The following CEP70 variants were observed in gnomAD, a reference collection of about 807,000 sequenced individuals.
CEP70 encodes centrosomal protein 70, also known as centrosomal protein of 70 kDa.
Under a neutral mutation model 90.9 loss-of-function variants are expected in CEP70, and 70 were observed. The ratio of observed to expected loss-of-function variants is 0.77; its 90% CI spans 0.64 to 0.94. The LOEUF (loss-of-function observed/expected upper bound fraction) is 0.94. CEP70 is among the 40% of genes least tolerant of loss of function. The pLI, the probability that CEP70 is intolerant of heterozygous loss-of-function variation, is 0.00. For synonymous variants in CEP70, 220 were observed against 228.3 expected (o/e 0.96, Z 0.33); for missense variants, 648 against 669.0 (o/e 0.97, Z 0.35).
At chr3:138,588,320 T>C (rs2042207487) in intron 2 of CEP70, among the ~76,000 whole-genome samples, 1 of 151,822 alleles carries the variant, frequency 6.6e-6, no homozygotes. Flanking sequence ...TCAGAGAAAA[T>C]AGTCAGGAAT....
chr3:138,498,489 T>C (rs533988687), intron 16 of CEP70, among the ~76,000 whole-genome samples: 1 of 151,804 alleles, frequency 6.6e-6, no homozygotes, highest in South Asian at 2.1e-4. Context: ...TGCCTGCCAC[T>C]ACGCCCGACT....
intron 6 of CEP70, among the ~76,000 whole-genome samples, chr3:138,544,920 G>T (rs997488643): frequency 2.0e-5 from 3 of 152,102 alleles, no homozygotes; most frequent in African/African-American, 7.2e-5. Context: ...AGGAGGGAAG[G>T]GGGAAATGAA....
rs774569343 is a variant in CEP70 at position 138,500,857 on chromosome 3, G to A, written c.1246C>T (p.Leu416=). ...AGCCAAGGTACCAGTTCTGCAGATA[G>A]TGTTTTCAAGGACTTATACAAATCC... ...LKDLYKSLKT[L]SAELVPWLNL... The change falls in exon 14 of 18, where the codon CTA becomes TTA. Residue 416 remains leucine, a synonymous_variant. Coordinates refer to ENST00000264982, the MANE Select transcript of CEP70 (RefSeq NM_024491.4). The A allele has an allele frequency of 1.9e-6, 3 of 1,587,148 alleles. No homozygotes were observed. In the South Asian group the frequency reaches 3.5e-5, roughly 18 times the overall value.
chr3:138,584,769 C>A (rs2042030695), intron 2 of CEP70, among the ~76,000 whole-genome samples: 1 of 151,436 alleles, frequency 6.6e-6, no homozygotes, highest in South Asian at 2.1e-4. Flanking sequence ...AAAAAAAACC[C>A]TAAAAAAACT....
chr3:138,569,974 G>C (rs941244559), intron 6 of CEP70, among the ~76,000 whole-genome samples: 1 of 152,200 alleles, frequency 6.6e-6, no homozygotes, highest in African/African-American at 2.4e-5. Context: ...GGAGAGGACT[G>C]GGCTACGGAT....
chr3:138,555,728 C>G (rs530898216), intron 6 of CEP70, among the ~76,000 whole-genome samples: 4 of 152,182 alleles, frequency 2.6e-5, no homozygotes, highest in Non-Finnish European at 5.9e-5. Flanking sequence ...CACCTCACTC[C>G]CACAAGAATG....
At chr3:138,510,387 C>G (rs557047968) in intron 11 of CEP70, among the ~76,000 whole-genome samples, 1 of 151,624 alleles carries the variant, frequency 6.6e-6, no homozygotes, top group South Asian at 2.1e-4. Context: ...GAGGTGAGAT[C>G]GTGCCACTGC....
At chr3:138,502,081 T>C (rs2108675753) in intron 13 of CEP70, among the ~76,000 whole-genome samples, 1 of 152,330 alleles carries the variant, frequency 6.6e-6, no homozygotes, top group Non-Finnish European at 1.5e-5. Context: ...TAATTTTAAG[T>C]TGTCTAGGGC....
At chr3:138,523,535 T>C (rs2036896340) in intron 11 of CEP70, among the ~76,000 whole-genome samples, 4 of 152,084 alleles carry the variant, frequency 2.6e-5, no homozygotes, top group African/African-American at 9.7e-5. Context: ...AGTCTCAGGA[T>C]ACAAAATCAA....
At position 138,504,095 on chromosome 3, in the gene CEP70, G is replaced by A. The variant is rs528678008; in HGVS notation, c.1221+1200C>T. ...TCCATCCCTTCTGAGATGAAGAAAG[G>A]TGGAGTCAGCACTGTTTCCTCCTAC... On this transcript the variant is annotated intron_variant, in intron 13 of 17. Transcript: ENST00000264982. Among the ~76,000 whole-genome samples the A allele has an allele frequency of 3.3e-5, 5 of 152,282 alleles. No individual in the cohort carries two copies. In the East Asian group the frequency reaches 9.6e-4, roughly 29 times the overall value.
chr3:138,570,096 G>A (rs1314616754), intron 6 of CEP70, among the ~76,000 whole-genome samples: 3 of 151,932 alleles, frequency 2.0e-5, no homozygotes, highest in Non-Finnish European at 4.4e-5. Flanking sequence ...AAGAGGTTAG[G>A]GAGATGAGAA....
chr3:138,501,219 T>C, intron 13 of CEP70, among the ~76,000 whole-genome samples: 1 of 152,136 alleles, frequency 6.6e-6, no homozygotes, highest in East Asian at 1.9e-4. Context: ...TTTTGAATTG[T>C]TGATACACAA....
At chr3:138,591,419 G>C (rs1356037703) in intron 2 of CEP70, among the ~76,000 whole-genome samples, 3 of 151,864 alleles carry the variant, frequency 2.0e-5, no homozygotes, top group Non-Finnish European at 4.4e-5. Context: ...GCAGGTAAGG[G>C]ATACTCAACC....
intron 6 of CEP70, among the ~76,000 whole-genome samples, chr3:138,553,798 G>T (rs2107977798): frequency 6.6e-6 from 1 of 152,292 alleles, no homozygotes; most frequent in Middle Eastern, 3.4e-3. Context: ...TACCAGGTAT[G>T]CAGGGATAGT....
chr3:138,556,839 A>G (rs1429011199), intron 6 of CEP70, among the ~76,000 whole-genome samples: 1 of 152,190 alleles, frequency 6.6e-6, no homozygotes, highest in Non-Finnish European at 1.5e-5. Context: ...AAATGGAGGC[A>G]GGGCGAGATC....
chr3:138,512,622 C>A (rs549225960), intron 11 of CEP70, among the ~76,000 whole-genome samples: 2 of 152,248 alleles, frequency 1.3e-5, no homozygotes, highest in South Asian at 4.2e-4. Flanking sequence ...TCCATGTATT[C>A]AACAGCAGCA....
At chr3:138,503,536 C>T (rs115706176) in intron 13 of CEP70, among the ~76,000 whole-genome samples, 354 of 152,216 alleles carry the variant, frequency 2.3e-3, no homozygotes, top group African/African-American at 8.1e-3. Context: ...GATATGAGGC[C>T]TCAGAGAATC....
chr3:138,502,295 C>T (rs1018817383), intron 13 of CEP70, among the ~76,000 whole-genome samples: 1 of 151,976 alleles, frequency 6.6e-6, no homozygotes, highest in African/African-American at 2.4e-5. Flanking sequence ...GATCAATAAC[C>T]ACATGCAGCT....
At chr3:138,513,952 T>TA (rs34596838) in intron 11 of CEP70, among the ~76,000 whole-genome samples, 18,506 of 140,106 alleles carry the variant, frequency 0.13, 2,268 homozygotes, top group East Asian at 0.38. Flanking sequence ...ACTACAAATC[T>TA]AAAAAAAAAA....
Sources: gnomAD v4.1 joint callset for allele counts (sites outside exome capture counted in the v4.1 genomes callset) on GRCh38, gnomAD v4.1.1 for gene constraint, MANE v1.5 for transcripts, NCBI Gene and HGNC (gene_info 2026-07-23, HGNC 2026-07-21) for gene names.